The following FRY variants were observed in gnomAD, a reference collection of about 807,000 sequenced individuals.
FRY encodes FRY microtubule binding protein.
In FRY, 128 loss-of-function variants were observed where a neutral mutation model predicts 348.4. The ratio of observed to expected loss-of-function variants is 0.37; its 90% CI spans 0.32 to 0.43. FRY has a LOEUF of 0.43. Ranked by LOEUF, FRY falls within the 20% of genes least tolerant of loss-of-function variation. The probability of loss-of-function intolerance (pLI) is 1.00; values close to 1 mark genes in which losing one functional copy is unlikely to be tolerated. For missense variants in FRY, 2,736 were observed against 3,695.2 expected (o/e 0.74, Z 6.73); for synonymous variants, 1,370 against 1,374.7 (o/e 1.00, Z 0.08).
rs145521367 is a variant in FRY at position 32,205,857 on chromosome 13, G to C, written c.4019-2996G>C. Reference sequence around the variant, plus strand: ...TAAGAAACAATGGCAATAGTCCAAGGAGGAAATAATAAATGATAAGGGCCT... The same window carrying C: ...TAAGAAACAATGGCAATAGTCCAAGCAGGAAATAATAAATGATAAGGGCCT... On this transcript the variant is annotated intron_variant, in intron 31 of 60. Coordinates refer to ENST00000542859, the MANE Select transcript of FRY (RefSeq NM_023037.3). Among the ~76,000 whole-genome samples, 438 of 152,030 alleles carry C rather than the reference G, an allele frequency of 2.9e-3. 2 individuals are homozygous for C. The highest frequency in any genetic ancestry group is 0.01 in the African/African-American group (425 of 41,492).
intron 31 of FRY, 79 bp downstream of exon 31, chr13:32,202,606 T>C (rs1884097115): frequency 5.7e-6 from 7 of 1,222,442 alleles, no homozygotes; most frequent in African/African-American, 1.5e-5. Context: ...TAATGACATG[T>C]GATCATTTCT....
chr13:32,273,040 A>G (rs569137067), intron 55 of FRY, among the ~76,000 whole-genome samples: 32 of 151,920 alleles, frequency 2.1e-4, no homozygotes, highest in African/African-American at 7.7e-4. Flanking sequence ...ACGCAGGCAC[A>G]GTGAATCAGA....
chr13:32,145,542 T>G (rs12427463), intron 11 of FRY, among the ~76,000 whole-genome samples: 33 of 143,932 alleles, frequency 2.3e-4, no homozygotes, highest in African/African-American at 4.5e-4. Flanking sequence ...TTTTTTTTTT[T>G]TTTTTTTTTT....
chr13:32,082,233 A>C (rs1170371754), intron 2 of FRY, among the ~76,000 whole-genome samples: 8 of 151,474 alleles, frequency 5.3e-5, no homozygotes, highest in African/African-American at 1.9e-4. Context: ...AAAAAAAAAA[A>C]AAAAACAGGA....
At chr13:32,055,394 T>C (rs1375678668) in intron 1 of FRY, among the ~76,000 whole-genome samples, 1 of 152,212 alleles carries the variant, frequency 6.6e-6, no homozygotes, top group Non-Finnish European at 1.5e-5. Flanking sequence ...CGTGGGAGGA[T>C]GGTTTACTAA....
chr13:32,262,466 G>A lies in FRY; in HGVS notation c.7770G>A (p.Glu2590=), dbSNP rs756057555. 1 of 1,612,462 alleles carries A rather than the reference G, an allele frequency of 6.2e-7. No individual in the cohort carries two copies. The highest frequency in any genetic ancestry group is 8.5e-7 in the Non-Finnish European group (1 of 1,178,570). The change falls in exon 53 of 61, where the codon GAG becomes GAA. Residue 2590 remains glutamate, a synonymous_variant. Coordinates refer to ENST00000542859, the MANE Select transcript of FRY (RefSeq NM_023037.3). ...LPDMNNLQIS[E]GSKAEAVREE... ...ATATGAATAATCTGCAGATTTCTGA[G>A]GGTTCAAAGGTGAAGAGATTTTAAC...
chr13:32,255,712 A>G (rs1189710225), intron 51 of FRY, among the ~76,000 whole-genome samples: 1 of 152,238 alleles, frequency 6.6e-6, no homozygotes, highest in East Asian at 1.9e-4. Flanking sequence ...TGATAGAGAA[A>G]GCATTCACTG....
chr13:32,115,098 C>A (rs1312258579), intron 3 of FRY, among the ~76,000 whole-genome samples: 1 of 152,188 alleles, frequency 6.6e-6, no homozygotes, highest in Non-Finnish European at 1.5e-5. Context: ...ATATAACCAT[C>A]ATTATGGGAG....
chr13:32,155,343 A>G, intron 14 of FRY, 148 bp from the exon 15 acceptor site: 1 of 670,274 alleles, frequency 1.5e-6, no homozygotes. Flanking sequence ...AATTTTCATA[A>G]GATTGCTCTA....
intron 6 of FRY, 30 bp from the exon 7 acceptor site, chr13:32,124,765 C>A (rs938463598): frequency 1.3e-6 from 2 of 1,557,524 alleles, no homozygotes; most frequent in Admixed American, 1.7e-5. Context: ...GACCAGGGAT[C>A]CCTAACTTGT....
intron 2 of FRY, 61 bp from the exon 3 acceptor site, chr13:32,101,902 T>C: frequency 5.2e-6 from 5 of 963,970 alleles, no homozygotes; most frequent in Non-Finnish European, 8.4e-6. Context: ...TAATGGCATT[T>C]CTTTTATACT....
chr13:32,239,942 A>C lies in FRY; in HGVS notation c.6687+61A>C. 9 of 1,453,890 alleles carry C rather than the reference A, an allele frequency of 6.2e-6. No individual in the cohort carries two copies. Among genetic ancestry groups the C allele is most frequent in the Non-Finnish European group, 7.6e-6 (8 of 1,050,812 alleles). 90.1% of individuals were successfully genotyped at this position (1,453,890 alleles called of 1,614,324 possible). A position where few individuals can be genotyped will look rare whatever the true frequency, so the allele number is the denominator to read the frequency against. ...TCATTATGTTGCCCAGGCTGATCTCAACTCTTGGGCTCAAGCAGTCCTCCT... is the reference window on the plus strand; with the variant it reads ...TCATTATGTTGCCCAGGCTGATCTCCACTCTTGGGCTCAAGCAGTCCTCCT... On this transcript the variant is annotated intron_variant, in intron 46 of 60. Coordinates refer to ENST00000542859, the MANE Select transcript of FRY (RefSeq NM_023037.3). This position sits in a 1 kb window ranked among gnomAD's most constrained non-coding sequence, Gnocchi z 4.3.
intron 3 of FRY, among the ~76,000 whole-genome samples, chr13:32,110,998 A>G (rs1486629267): frequency 6.6e-6 from 1 of 152,220 alleles, no homozygotes. Context: ...GCTAATTAAG[A>G]CAGGGCAACA....
chr13:32,274,954 G>C lies in FRY; in HGVS notation c.8249G>C (p.Cys2750Ser). Residue 2750 changes from cysteine (C) to serine (S), a missense_variant, in exon 56 of 61, where the codon TGC becomes TCC. Physicochemically the swap from Cys to Ser is moderately radical, Grantham distance 112 (BLOSUM62 -1). Coordinates refer to ENST00000542859, the MANE Select transcript of FRY (RefSeq NM_023037.3). ...FVSSSQMLTS[C>S]SECPTLFVDA... The stretch of plus-strand genomic sequence containing the variant: ...AGCTCTTCCCAGATGCTCACCTCCT[G>C]CTCTGAATGTCCTACACTTTTTGTG... The C allele has an allele frequency of 6.2e-7, 1 of 1,613,812 alleles. No individual in the cohort carries two copies. Among genetic ancestry groups the C allele is most frequent in the Non-Finnish European group, 8.5e-7 (1 of 1,179,794 alleles).
chr13:32,183,996 G>A (rs1231707795), intron 24 of FRY, among the ~76,000 whole-genome samples: 1 of 151,782 alleles, frequency 6.6e-6, no homozygotes, highest in Admixed American at 6.6e-5. Flanking sequence ...TTAGCCGGGT[G>A]TGGTGGTGCA....
At position 32,265,382 on chromosome 13, in the gene FRY, A is replaced by G. The variant is rs1887862843; in HGVS notation, c.7780-68A>G. 20 of 1,437,762 alleles carry G rather than the reference A, an allele frequency of 1.4e-5. No individual in the cohort carries two copies. In the South Asian group the frequency reaches 2.1e-4, roughly 15 times the overall value. The allele number at this position is 1,437,762 out of a possible 1,614,324, so 89.1% of individuals were successfully genotyped here. ...TTTCAGTCTCTCTTATTTGTTCCTT[A>G]GTTGAACAGGTTGTCCTGTATGTTT... On this transcript the variant is annotated intron_variant, in intron 53 of 60. Coordinates refer to ENST00000542859, the MANE Select transcript of FRY (RefSeq NM_023037.3).
intron 57 of FRY, among the ~76,000 whole-genome samples, chr13:32,277,045 A>G (rs953576227): frequency 9.9e-5 from 15 of 152,226 alleles, no homozygotes; most frequent in African/African-American, 3.4e-4. Context: ...ACAAAATGTT[A>G]GAGACAGAGT....
In FRY at chr13:32,134,752, A is replaced by G. The variant is rs578197323; in HGVS notation, c.886-152A>G. 71 of 708,174 alleles carry G rather than the reference A, an allele frequency of 1.0e-4. 1 individual carries two copies. The highest frequency in any genetic ancestry group is 7.0e-4 in the South Asian group (45 of 63,914). 43.9% of individuals were successfully genotyped at this position (708,174 alleles called of 1,614,324 possible). A position where few individuals can be genotyped will look rare whatever the true frequency, so the allele number is the denominator to read the frequency against. On this transcript the variant is annotated intron_variant, in intron 8 of 60. Coordinates refer to ENST00000542859, the MANE Select transcript of FRY (RefSeq NM_023037.3). The stretch of plus-strand genomic sequence containing the variant: ...TGCAAACATACAAATTTCAATACAA[A>G]TGTTTGAATCCAGTGATTTTTAATA...
At chr13:32,100,441 G>A (rs181978014) in intron 2 of FRY, among the ~76,000 whole-genome samples, 1 of 152,008 alleles carries the variant, frequency 6.6e-6, no homozygotes, top group Admixed American at 6.5e-5. Context: ...AAATTTTACG[G>A]TTTTTATTAT....
Sources: allele counts gnomAD v4.1 joint callset (sites outside exome capture counted in the v4.1 genomes callset), GRCh38; gene constraint gnomAD v4.1.1; non-coding constraint Gnocchi (gnomAD v3.1); transcripts MANE v1.5; gene names NCBI Gene and HGNC (gene_info 2026-07-23, HGNC 2026-07-21).